CACNA1A: variants seen among roughly 807,000 people sequenced by gnomAD.
CACNA1A encodes calcium voltage-gated channel subunit alpha1 A.
In CACNA1A, 57 loss-of-function variants were observed where a neutral mutation model predicts 262.4. The observed-to-expected ratio is 0.22, with a 90% confidence interval of 0.18 to 0.27. The LOEUF (loss-of-function observed/expected upper bound fraction) is 0.27. Among genes scored for constraint, CACNA1A ranks in the 10% least tolerant of loss-of-function variants. The probability of loss-of-function intolerance (pLI) is 1.00; values close to 1 mark genes in which losing one functional copy is unlikely to be tolerated. For synonymous variants in CACNA1A, 1,431 were observed against 1,419.3 expected (o/e 1.01, Z -0.18); for missense variants, 2,526 against 3,562.8 (o/e 0.71, Z 7.41).
Position 13,257,317 on chromosome 19 carries a change from T to C in CACNA1A, c.4590+33A>G, listed in dbSNP as rs368199574. 1.2e-3 allele frequency: 1,904 copies of C among 1,581,578 alleles called. 6 individuals carry two copies. The highest frequency in any genetic ancestry group is 1.0e-3 in the Non-Finnish European group (1,164 of 1,151,328). ...TTTTAAAGTTTGTGTGTGTCCCCAG[T>C]TTTTAAAGGACAGATGGAATTGGAA... On this transcript the variant is annotated intron_variant, in intron 28 of 46. Coordinates refer to ENST00000360228, the MANE Select transcript of CACNA1A (RefSeq NM_001127222.2).
intron 1 of CACNA1A, among the ~76,000 whole-genome samples, chr19:13,475,488 T>C (rs1978418397): frequency 6.6e-6 from 1 of 152,206 alleles, no homozygotes; most frequent in Non-Finnish European, 1.5e-5. Context: ...TCACATTTCA[T>C]TGATGAAACC....
chr19:13,239,108 G>A (rs948022101), intron 31 of CACNA1A, among the ~76,000 whole-genome samples: 1 of 151,992 alleles, frequency 6.6e-6, no homozygotes, highest in African/African-American at 2.4e-5. Context: ...ATGACCAGTC[G>A]CGCCTCCCCT....
intron 3 of CACNA1A, among the ~76,000 whole-genome samples, chr19:13,405,277 C>A (rs1293249307): frequency 6.6e-6 from 1 of 152,102 alleles, no homozygotes; most frequent in African/African-American, 2.4e-5. Flanking sequence ...ACTGTAGCCT[C>A]AACTTCCTGG....
chr19:13,383,877 C>CA (rs1196888605), intron 3 of CACNA1A, among the ~76,000 whole-genome samples: 1 of 152,168 alleles, frequency 6.6e-6, no homozygotes, highest in East Asian at 1.9e-4. Flanking sequence ...GTGCAGTGCA[C>CA]AGTCACAGCT....
At chr19:13,479,953 G>A (rs537038664) in intron 1 of CACNA1A, among the ~76,000 whole-genome samples, 9 of 152,296 alleles carry the variant, frequency 5.9e-5, no homozygotes, top group Admixed American at 3.3e-4. Context: ...ATTCATTTAC[G>A]TATTGCCTGT....
intron 46 of CACNA1A, 88 bp from the exon 47 acceptor site, chr19:13,208,141 G>C (rs140581674): frequency 1.6e-6 from 1 of 644,416 alleles, no homozygotes; most frequent in Non-Finnish European, 2.1e-6. Context: ...AGAGGGGAGC[G>C]AAGGGAGAGG....
At chr19:13,438,676 C>G (rs2060656348) in intron 3 of CACNA1A, among the ~76,000 whole-genome samples, 1 of 152,174 alleles carries the variant, frequency 6.6e-6, no homozygotes, top group Non-Finnish European at 1.5e-5. Flanking sequence ...CAACTGGGCC[C>G]AGCCTAAACT....
rs551009908 is a variant in CACNA1A, at chr19:13,428,792, C to T, written c.539+24084G>A. On this transcript the variant is annotated intron_variant, in intron 3 of 46. Transcript: ENST00000360228. ...CTCTCATGGATGTCACAGCCAATCA[C>T]GTAGACCCCGAGAGCCCTCATGTTT... Among the ~76,000 whole-genome samples the T allele has an allele frequency of 7.2e-5, 11 of 152,188 alleles. No homozygotes were observed. In the East Asian group the frequency reaches 1.7e-3, roughly 24 times the overall value.
intron 35 of CACNA1A, 91 bp downstream of exon 35, chr19:13,231,619 C>G: frequency 7.4e-7 from 1 of 1,356,058 alleles, no homozygotes; most frequent in Non-Finnish European, 1.0e-6. Flanking sequence ...AACAAGCCTT[C>G]GACACAGCCA....
At chr19:13,280,582 A>T (rs1378613606) in intron 22 of CACNA1A, among the ~76,000 whole-genome samples, 2 of 152,036 alleles carry the variant, frequency 1.3e-5, no homozygotes, top group Non-Finnish European at 2.9e-5. Context: ...CAACCCAAAC[A>T]TCTGTCAACA....
At chr19:13,259,882 G>C in intron 26 of CACNA1A, 181 bp from the exon 27 acceptor site, 3 of 619,516 alleles carry the variant, frequency 4.8e-6, no homozygotes, top group Non-Finnish European at 8.5e-6. Flanking sequence ...GATGACGTGT[G>C]CATCTACTTT....
chr19:13,457,541 G>A (rs952092364), intron 1 of CACNA1A, among the ~76,000 whole-genome samples: 1 of 152,180 alleles, frequency 6.6e-6, no homozygotes, highest in Non-Finnish European at 1.5e-5. Context: ...GAATGGAATA[G>A]TATTCAGCCA....
At chr19:13,240,386 G>A (rs1347048963) in intron 31 of CACNA1A, among the ~76,000 whole-genome samples, 1 of 151,882 alleles carries the variant, frequency 6.6e-6, no homozygotes, top group Non-Finnish European at 1.5e-5. Context: ...TGTGTGCAGT[G>A]TGTGTGCATA....
intron 3 of CACNA1A, among the ~76,000 whole-genome samples, chr19:13,380,113 G>C (rs1445313492): frequency 7.9e-6 from 1 of 125,984 alleles, no homozygotes; most frequent in Admixed American, 8.6e-5. Context: ...GTGAAAACCC[G>C]TCTCTACTAA....
At chr19:13,304,604 A>C (rs2057858554) in intron 15 of CACNA1A, among the ~76,000 whole-genome samples, 1 of 151,426 alleles carries the variant, frequency 6.6e-6, no homozygotes. Context: ...GCTGGGTGAC[A>C]AAAAAATGTG....
chr19:13,351,698 C>T (rs939332643), intron 6 of CACNA1A, among the ~76,000 whole-genome samples: 7 of 152,020 alleles, frequency 4.6e-5, no homozygotes, highest in Admixed American at 1.3e-4. Context: ...TTAGTAGAGA[C>T]GGGGTTTCAC....
chr19:13,304,856 A>G (rs2057869560), intron 15 of CACNA1A, among the ~76,000 whole-genome samples: 1 of 152,202 alleles, frequency 6.6e-6, no homozygotes, highest in Non-Finnish European at 1.5e-5. Flanking sequence ...TGTTTCCTGT[A>G]TAAGCCACCC....
chr19:13,208,596 C>T (rs987976806), intron 46 of CACNA1A, among the ~76,000 whole-genome samples, 160 bp downstream of exon 46: 1 of 151,976 alleles, frequency 6.6e-6, no homozygotes, highest in Non-Finnish European at 1.5e-5. Context: ...GTGTCCGCTC[C>T]GGCCGCCGGG....
At chr19:13,375,555 A>T (rs2059390834) in intron 3 of CACNA1A, among the ~76,000 whole-genome samples, 1 of 152,156 alleles carries the variant, frequency 6.6e-6, no homozygotes, top group African/African-American at 2.4e-5. Flanking sequence ...TGGGAGGCTG[A>T]GGTGAGAGGA....
Sources: allele counts gnomAD v4.1 joint callset (sites outside exome capture counted in the v4.1 genomes callset), GRCh38; gene constraint gnomAD v4.1.1; transcripts MANE v1.5; gene names NCBI Gene and HGNC (gene_info 2026-07-23, HGNC 2026-07-21).